Variants in IL37 observed in about 807,000 individuals in gnomAD.
The protein encoded by IL37 is interleukin-37.
A neutral mutation model predicts 15.4 loss-of-function variants in IL37; 15 were observed. That is an observed-to-expected ratio of 0.98 (90% confidence interval 0.65 to 1.50). The LOEUF is 1.50. Ranked by LOEUF, IL37 falls within the 40% of genes most tolerant of loss-of-function variation. The pLI, the probability that IL37 is intolerant of heterozygous loss-of-function variation, is 0.00. For synonymous variants in IL37, 98 were observed against 97.4 expected, an observed-to-expected ratio of 1.01 and a Z score of -0.03; for missense variants, 269 against 261.7, an observed-to-expected ratio of 1.03 and a Z score of -0.19.
intron 4 of IL37, 49 bp downstream of exon 4, chr2:112,917,297 A>G: frequency 6.2e-7 from 1 of 1,601,408 alleles, no homozygotes; most frequent in Non-Finnish European, 8.5e-7. Context: ...AGCAGGGGTA[A>G]GGCCTCCTGC....
intron 3 of IL37, chr2:112,915,084 A>C (rs1683271331): frequency 1.1e-6 from 1 of 949,688 alleles, no homozygotes. Context: ...CCTTAAGACC[A>C]CTCACACCTT....
At chr2:112,913,403 T>C (rs1573310930) in intron 2 of IL37, among the ~76,000 whole-genome samples, 3 of 152,130 alleles carry the variant, frequency 2.0e-5, no homozygotes, top group Admixed American at 1.3e-4. Context: ...CTCCCAACAT[T>C]CCCAAGTGGA....
At chr2:112,915,063 A>G (rs1683270804) in intron 3 of IL37, 2 of 703,976 alleles carry the variant, frequency 2.8e-6, no homozygotes, top group East Asian at 5.7e-5. Flanking sequence ...TATAGAAAAC[A>G]ACTGCCAGCA....
At position 112,913,812 on chromosome 2, in the gene IL37, G is replaced by T. The variant is rs184647177; in HGVS notation, c.103G>T (p.Glu35Ter). The change falls in exon 3 of 6, where the codon GAA becomes TAA. Residue 35 changes from glutamate (E) to a stop codon, truncating the protein, a stop_gained. Transcript: ENST00000263326. LOFTEE classifies it high-confidence loss of function. ...TGCAGACCCGGCTGGAAGCCCCCTGGAACCAGGCCCAAGCCTCCCCACCAT... is the reference window on the plus strand; with the variant it reads ...TGCAGACCCGGCTGGAAGCCCCCTGTAACCAGGCCCAAGCCTCCCCACCAT... The part of the protein sequence containing the change: ...CLEDPAGSPL[E>*]PGPSLPTMNF... The T allele has an allele frequency of 1.3e-4, 210 of 1,613,676 alleles. No homozygotes were observed. In the East Asian group the frequency reaches 4.4e-3, roughly 34 times the overall value.
intron 3 of IL37, chr2:112,915,239 GC>G (rs1207122350): frequency 6.2e-7 from 1 of 1,613,834 alleles, no homozygotes; most frequent in Non-Finnish European, 8.5e-7. Context: ...GGAAAGAACA[GC>G]TTTAAGAAGC....
chr2:112,917,248 G>C lies in IL37; in HGVS notation c.265G>C (p.Glu89Gln), dbSNP rs2104979350. ...AVPDKNYIRP[E>Q]IFFALASSLS... Reference sequence around the variant, plus strand: ...TCCAGATAAAAACTACATACGCCCAGGTGACTCTCAGTTTTGGCTGTGTTT... The same window carrying C: ...TCCAGATAAAAACTACATACGCCCACGTGACTCTCAGTTTTGGCTGTGTTT... Residue 89 changes from glutamate (E) to glutamine (Q), a missense_variant and splice_region_variant, in exon 4 of 6, where the codon GAG becomes CAG. Glu to Gln is a conservative substitution (Grantham distance 29). Coordinates refer to ENST00000263326, the MANE Select transcript of IL37 (RefSeq NM_014439.4). 6.2e-7 allele frequency: 1 copy of C among 1,613,846 alleles called. No homozygotes were observed. Among genetic ancestry groups the C allele is most frequent in the South Asian group, 1.1e-5 (1 of 90,982 alleles).
At position 112,917,193 on chromosome 2, in the gene IL37, G is replaced by T; in HGVS notation, c.210G>T (p.Leu70=). The T allele has an allele frequency of 6.2e-7, 1 of 1,614,122 alleles. No individual in the cohort carries two copies. Among genetic ancestry groups the T allele is most frequent in the Non-Finnish European group, 8.5e-7 (1 of 1,179,974 alleles). Residue 70 remains leucine, a synonymous_variant, in exon 4 of 6, where the codon CTG becomes CTT. Transcript: ENST00000263326. ...FSIHDQDHKV[L]VLDSGNLIAV... ...TTCATGACCAGGATCACAAAGTACTGGTCCTGGACTCTGGGAATCTCATAG... is the reference window on the plus strand; with the variant it reads ...TTCATGACCAGGATCACAAAGTACTTGTCCTGGACTCTGGGAATCTCATAG...
chr2:112,915,388 C>T, intron 3 of IL37: 1 of 737,434 alleles, frequency 1.4e-6, no homozygotes, highest in South Asian at 1.7e-5. Flanking sequence ...TAAAATGCCA[C>T]CCACCAGGTG....
intron 4 of IL37, among the ~76,000 whole-genome samples, 155 bp downstream of exon 4, chr2:112,917,403 G>T (rs2723185): frequency 0.097 from 14,692 of 152,098 alleles, 933 homozygotes; most frequent in African/African-American, 0.16. Context: ...TCAGATGAAG[G>T]GTCTCTAGCA....
At chr2:112,915,321 A>G in intron 3 of IL37, 2 of 1,355,896 alleles carry the variant, frequency 1.5e-6, no homozygotes. Flanking sequence ...TTCCAGTCTC[A>G]CCCTGGACTA....
rs749637465 is a variant in IL37 at position 112,912,963 on chromosome 2, G to C, written c.-50G>C. ...ACTGGTCCCCTTTCTATCTCCTTAG[G>C]TCTTGGACTTCATTCCATTTTCTGT... is the stretch of plus-strand genomic sequence containing the variant. On this transcript the variant is annotated splice_region_variant and 5_prime_UTR_variant, in exon 2 of 6. Transcript: ENST00000263326. 7.2e-7 allele frequency: 1 copy of C among 1,395,794 alleles called. No homozygotes were observed. Among genetic ancestry groups the C allele is most frequent in the Admixed American group, 2.0e-5 (1 of 49,052 alleles). The allele number at this position is 1,395,794 out of a possible 1,614,324, so 86.5% of individuals were successfully genotyped here. A position where few individuals can be genotyped will look rare whatever the true frequency, so the allele number is the denominator to read the frequency against.
In IL37 at chr2:112,913,644, G is replaced by A. The variant is rs868747482; in HGVS notation, c.83-148G>A. The A allele has an allele frequency of 8.6e-6, 6 of 701,332 alleles. No individual in the cohort carries two copies. The Middle Eastern group carries it at 9.8e-4, about 115-fold the overall frequency. 43.4% of individuals were successfully genotyped at this position (701,332 alleles called of 1,614,324 possible). A position where few individuals can be genotyped will look rare whatever the true frequency, so the allele number is the denominator to read the frequency against. On this transcript the variant is annotated intron_variant, in intron 2 of 5. Coordinates refer to ENST00000263326, the MANE Select transcript of IL37 (RefSeq NM_014439.4). ...CATCTCTATTCTATGTTTCTGAAGA[G>A]GGAAGCTATGATTTAATGTCATTAC... is the stretch of plus-strand genomic sequence containing the variant.
intron 2 of IL37, among the ~76,000 whole-genome samples, chr2:112,913,372 G>C (rs2708957): frequency 0.098 from 14,936 of 152,262 alleles, 961 homozygotes; most frequent in African/African-American, 0.17. Context: ...GGTTGCATAT[G>C]CTTCAAAATG....
intron 4 of IL37, 127 bp downstream of exon 4, chr2:112,917,375 GC>G: frequency 8.9e-7 from 1 of 1,128,366 alleles, no homozygotes; most frequent in Non-Finnish European, 1.3e-6. Flanking sequence ...AGGAGGAGAG[GC>G]CCCAGGGACT....
At chr2:112,914,297 T>C (rs1300182407) in intron 3 of IL37, among the ~76,000 whole-genome samples, 2 of 152,094 alleles carry the variant, frequency 1.3e-5, no homozygotes, top group African/African-American at 4.8e-5. Flanking sequence ...AACACCCTAA[T>C]AGGAAACTGT....
In IL37 at chr2:112,917,251, G is replaced by T; in HGVS notation, c.265+3G>T. The T allele has an allele frequency of 6.2e-7, 1 of 1,613,744 alleles. No homozygotes were observed. The highest frequency in any genetic ancestry group is 1.1e-5 in the South Asian group (1 of 90,918). ...AGATAAAAACTACATACGCCCAGGT[G>T]ACTCTCAGTTTTGGCTGTGTTTTCT... On this transcript the variant is annotated splice_donor_region_variant and intron_variant, in intron 4 of 5. Coordinates refer to ENST00000263326, the MANE Select transcript of IL37 (RefSeq NM_014439.4).
chr2:112,913,965 T>C (rs1299413012), intron 3 of IL37, 111 bp downstream of exon 3: 2 of 845,716 alleles, frequency 2.4e-6, no homozygotes, highest in Non-Finnish European at 3.9e-6. Context: ...TGGGGACACC[T>C]AAGGGTGCTG....
chr2:112,917,891 C>A, intron 5 of IL37, 114 bp downstream of exon 5: 1 of 1,106,640 alleles, frequency 9.0e-7, no homozygotes. Flanking sequence ...ATAACAGGGA[C>A]ATCCACCTTT....
intron 3 of IL37, 90 bp from the exon 4 acceptor site, chr2:112,917,039 G>A: frequency 2.1e-6 from 3 of 1,455,880 alleles, no homozygotes; most frequent in Non-Finnish European, 2.8e-6. Flanking sequence ...AGGGTGGAGA[G>A]CTAGGGCTGG....
Sources: gnomAD v4.1 joint callset for allele counts (sites outside exome capture counted in the v4.1 genomes callset) on GRCh38, gnomAD v4.1.1 for gene constraint, MANE v1.5 for transcripts, NCBI Gene and HGNC (gene_info 2026-07-23, HGNC 2026-07-21) for gene names.